The following CACNA1E variants were observed in gnomAD, a reference collection of about 807,000 sequenced individuals.
The protein encoded by CACNA1E is voltage-dependent R-type calcium channel subunit alpha-1E.
Under a neutral mutation model 259.2 loss-of-function variants are expected in CACNA1E, and 40 were observed. The ratio of observed to expected loss-of-function variants is 0.15; its 90% CI spans 0.12 to 0.20. The LOEUF (loss-of-function observed/expected upper bound fraction) is 0.20. Among genes scored for constraint, CACNA1E ranks in the 10% least tolerant of loss-of-function variants. CACNA1E has a pLI of 1.00. For synonymous variants in CACNA1E, 1,104 were observed against 1,138.5 expected (o/e 0.97, Z 0.61); for missense variants, 1,874 against 3,040.1 (o/e 0.62, Z 9.02).
chr1:181,524,971 G>C (rs1667246632), intron 3 of CACNA1E, among the ~76,000 whole-genome samples: 1 of 152,220 alleles, frequency 6.6e-6, no homozygotes, highest in South Asian at 2.1e-4. Context: ...CTAATTATTA[G>C]TAACATCCAT....
At chr1:181,618,145 T>A (rs764280518) in intron 6 of CACNA1E, among the ~76,000 whole-genome samples, 20 of 152,290 alleles carry the variant, frequency 1.3e-4, no homozygotes, top group Admixed American at 6.5e-4. Flanking sequence ...TGTATTTGTA[T>A]GAATATGTGA....
intron 1 of CACNA1E, among the ~76,000 whole-genome samples, chr1:181,409,710 C>T (rs971582077): frequency 7.2e-5 from 11 of 152,014 alleles, no homozygotes; most frequent in Admixed American, 4.6e-4. Flanking sequence ...GGGGACTGAT[C>T]GGCTTGGCAA....
At chr1:181,470,473 C>T (rs533346878) in intron 2 of CACNA1E, among the ~76,000 whole-genome samples, 3 of 152,310 alleles carry the variant, frequency 2.0e-5, no homozygotes, top group South Asian at 2.1e-4. Flanking sequence ...CCTCCCATCT[C>T]GGCTTCCCAA....
intron 32 of CACNA1E, among the ~76,000 whole-genome samples, chr1:181,759,641 C>T (rs1658401543): frequency 6.6e-6 from 1 of 152,212 alleles, no homozygotes; most frequent in Non-Finnish European, 1.5e-5. Flanking sequence ...GCCACCCTCC[C>T]CCCAACCTGC....
intron 3 of CACNA1E, among the ~76,000 whole-genome samples, chr1:181,513,218 A>G: frequency 6.6e-6 from 1 of 152,248 alleles, no homozygotes; most frequent in African/African-American, 2.4e-5. Context: ...AAAAGAAGAA[A>G]AAAAAATTCA....
intron 45 of CACNA1E, 71 bp from the exon 46 acceptor site, chr1:181,794,793 G>A: frequency 7.0e-7 from 1 of 1,420,394 alleles, no homozygotes; most frequent in South Asian, 1.4e-5. Flanking sequence ...CAGTCTTGCT[G>A]CTTCTGTCCT....
At chr1:181,510,030 C>T (rs1020027554) in intron 1 of CACNA1E, among the ~76,000 whole-genome samples, 1 of 152,206 alleles carries the variant, frequency 6.6e-6, no homozygotes, top group Non-Finnish European at 1.5e-5. Flanking sequence ...ATTGCAGCAG[C>T]TGGATCTGTG....
At chr1:181,750,858 A>ATCAT (rs1247378810) in intron 26 of CACNA1E, among the ~76,000 whole-genome samples, 1 of 152,232 alleles carries the variant, frequency 6.6e-6, no homozygotes, top group Non-Finnish European at 1.5e-5. Context: ...ATGGCCTATA[A>ATCAT]TCATTAAGAG....
intron 2 of CACNA1E, among the ~76,000 whole-genome samples, chr1:181,428,058 C>G (rs751154272): frequency 6.6e-6 from 1 of 152,104 alleles, no homozygotes; most frequent in Non-Finnish European, 1.5e-5. Flanking sequence ...AGTAAGCCTC[C>G]CCTACATGCC....
At chr1:181,377,388 AT>A (rs554774304) in intron 1 of CACNA1E, among the ~76,000 whole-genome samples, 1 of 152,138 alleles carries the variant, frequency 6.6e-6, no homozygotes, top group Non-Finnish European at 1.5e-5. Flanking sequence ...TGGCAAATGA[AT>A]TGATATTATT....
chr1:181,754,577 A>T (rs1342041687), intron 27 of CACNA1E, among the ~76,000 whole-genome samples: 1 of 152,184 alleles, frequency 6.6e-6, no homozygotes, highest in African/African-American at 2.4e-5. Context: ...AGTTCTATCT[A>T]CCCAGCCTCG....
At chr1:181,729,877 G>A (rs1450603659) in intron 18 of CACNA1E, among the ~76,000 whole-genome samples, 2 of 152,230 alleles carry the variant, frequency 1.3e-5, no homozygotes, top group South Asian at 2.1e-4. Context: ...TAGCAGATGT[G>A]CATGCTGCCT....
chr1:181,609,775 A>G (rs1169248304), intron 6 of CACNA1E, among the ~76,000 whole-genome samples: 1 of 152,176 alleles, frequency 6.6e-6, no homozygotes, highest in Non-Finnish European at 1.5e-5. Context: ...ATTTGCCTAG[A>G]TTTGTAGATG....
intron 38 of CACNA1E, among the ~76,000 whole-genome samples, chr1:181,779,779 T>G (rs750021898): frequency 2.1e-4 from 31 of 151,158 alleles, no homozygotes; most frequent in Non-Finnish European, 3.2e-4. Flanking sequence ...GATCGCTCTC[T>G]TCACATGCAC....
chr1:181,320,560 G>A (rs1650261917), intron 1 of CACNA1E, among the ~76,000 whole-genome samples: 1 of 152,190 alleles, frequency 6.6e-6, no homozygotes, highest in African/African-American at 2.4e-5. Context: ...TTATAGATGA[G>A]GAAACTGATG....
At chr1:181,560,476 C>T (rs565540533) in intron 3 of CACNA1E, among the ~76,000 whole-genome samples, 57 of 151,988 alleles carry the variant, frequency 3.8e-4, no homozygotes, top group African/African-American at 1.3e-3. Context: ...TGCTTTTCCT[C>T]TTAAGACTAT....
At chr1:181,589,102 C>T (rs1410604442) in intron 6 of CACNA1E, among the ~76,000 whole-genome samples, 4 of 152,308 alleles carry the variant, frequency 2.6e-5, no homozygotes, top group Middle Eastern at 3.4e-3. Flanking sequence ...TGCAGATTCC[C>T]GGGCCCTGCC....
In CACNA1E at chr1:181,732,207, G is replaced by T. The variant is rs976031330; in HGVS notation, c.2298-177G>T. The stretch of plus-strand genomic sequence containing the variant: ...GGGCTGGGAGGCACCTGCCTGATGA[G>T]CTCCTCACGTGTGGCCCGCCTGCTC... On this transcript the variant is annotated intron_variant, in intron 19 of 47. Transcript: ENST00000367573. This position sits in a 1 kb window ranked among gnomAD's most constrained non-coding sequence, Gnocchi z 5.5. 1.3e-5 allele frequency among the ~76,000 whole-genome samples: 2 copies of T among 152,148 alleles called. No individual in the cohort carries two copies. The highest frequency in any genetic ancestry group is 6.5e-5 in the Admixed American group (1 of 15,282).
rs987945204 is a variant in CACNA1E, at chr1:181,732,522, C to T, written c.2436C>T (p.Asn812=). The T allele has an allele frequency of 6.4e-7, 1 of 1,551,556 alleles. No homozygotes were observed. Among genetic ancestry groups the T allele is most frequent in the South Asian group, 1.2e-5 (1 of 84,036 alleles). The change falls in exon 20 of 48, where the codon AAC becomes AAT. Residue 812 remains asparagine (N), a synonymous_variant. Transcript: ENST00000367573. The surrounding 1 kb of genome is among the most constrained non-coding windows in gnomAD (Gnocchi z 5.5). ...CCATGAACCCGCTCAACCCCCTCAA[C>T]CCGCTCAGCTCCCTCAACCCGCTCA... ...APTMNPLNPL[N]PLSSLNPLNA...
Sources: gnomAD v4.1 joint callset for allele counts (sites outside exome capture counted in the v4.1 genomes callset) on GRCh38, gnomAD v4.1.1 for gene constraint, Gnocchi (gnomAD v3.1) non-coding constraint, MANE v1.5 for transcripts, NCBI Gene and HGNC (gene_info 2026-07-23, HGNC 2026-07-21) for gene names.